NSMCE2: variants seen among roughly 807,000 people sequenced by gnomAD.
NSMCE2 encodes the protein E3 SUMO-protein ligase NSE2.
In NSMCE2, 24 loss-of-function variants were observed where a neutral mutation model predicts 23.8. That is an observed-to-expected ratio of 1.01 (90% CI 0.73 to 1.42). The LOEUF is 1.42. Ranked by LOEUF, NSMCE2 falls within the 40% of genes most tolerant of loss-of-function variation. The pLI, the probability that NSMCE2 is intolerant of heterozygous loss-of-function variation, is 0.00. For synonymous variants in NSMCE2, 92 were observed against 94.1 expected (o/e 0.98, Z 0.13); for missense variants, 284 against 296.5 (o/e 0.96, Z 0.31).
At chr8:125,094,262 A>G (rs903507202) in intron 1 of NSMCE2, among the ~76,000 whole-genome samples, 14 of 152,216 alleles carry the variant, frequency 9.2e-5, no homozygotes, top group African/African-American at 3.4e-4. Flanking sequence ...ATCTTGCAAG[A>G]TAGTCACTAA....
intron 5 of NSMCE2, among the ~76,000 whole-genome samples, chr8:125,291,055 A>T (rs1034435681): frequency 5.3e-5 from 8 of 152,214 alleles, no homozygotes; most frequent in African/African-American, 1.9e-4. Flanking sequence ...TGGTCATGAA[A>T]GCAGGCAGAA....
At chr8:125,201,429 C>T (rs770701678) in intron 5 of NSMCE2, among the ~76,000 whole-genome samples, 14 of 152,186 alleles carry the variant, frequency 9.2e-5, no homozygotes, top group Non-Finnish European at 1.6e-4. Context: ...CAATCAGGTC[C>T]CTCAGCTGCA....
At chr8:125,364,182 G>A (rs1813687750) in intron 7 of NSMCE2, among the ~76,000 whole-genome samples, 1 of 152,152 alleles carries the variant, frequency 6.6e-6, no homozygotes, top group African/African-American at 2.4e-5. Flanking sequence ...GACCTCATGT[G>A]ATCCACCTGC....
chr8:125,219,211 G>A (rs1467194507), intron 5 of NSMCE2, among the ~76,000 whole-genome samples: 2 of 152,178 alleles, frequency 1.3e-5, no homozygotes, highest in Non-Finnish European at 2.9e-5. Context: ...AAAAGCCTGA[G>A]TTGACTTTCG....
intron 5 of NSMCE2, among the ~76,000 whole-genome samples, chr8:125,275,927 C>T (rs1827431873): frequency 6.6e-6 from 1 of 152,112 alleles, no homozygotes; most frequent in Admixed American, 6.5e-5. Context: ...GTCTTTAGCC[C>T]GACCTAAATT....
intron 4 of NSMCE2, among the ~76,000 whole-genome samples, chr8:125,179,922 T>C (rs113033294): frequency 0.019 from 2,948 of 152,284 alleles, 86 homozygotes; most frequent in African/African-American, 0.068. Context: ...TCATCCCAGA[T>C]TACATAATAA....
rs147788750 is a variant in NSMCE2 at position 125,097,855 on chromosome 8, C to T, written c.-110-4196C>T. On this transcript the variant is annotated intron_variant, in intron 1 of 7. Transcript: ENST00000287437. ...ATCTCTGATTTGAAAAGCGTGTTTG[C>T]ATTATATTGTAGAAAGCTTTGGATA... Among the ~76,000 whole-genome samples the T allele has an allele frequency of 4.2e-3, 641 of 152,152 alleles. 3 individuals are homozygous for T. Among genetic ancestry groups the T allele is most frequent in the Non-Finnish European group, 6.8e-3 (464 of 67,992 alleles).
chr8:125,292,774 C>T (rs193169294), intron 5 of NSMCE2, among the ~76,000 whole-genome samples: 1 of 152,270 alleles, frequency 6.6e-6, no homozygotes. Context: ...AAGAGCAAAT[C>T]GATTCTGAAA....
chr8:125,296,200 A>G (rs914660466), intron 5 of NSMCE2, among the ~76,000 whole-genome samples: 1 of 152,146 alleles, frequency 6.6e-6, no homozygotes, highest in African/African-American at 2.4e-5. Context: ...AAACTGAGGT[A>G]AATTTAGTGT....
At position 125,357,306 on chromosome 8, in the gene NSMCE2, G is replaced by GC. The variant is rs1173673502; in HGVS notation, c.510dup (p.Ile171HisfsTer13). 1.9e-6 allele frequency: 3 copies of GC among 1,603,470 alleles called. No individual in the cohort carries two copies. On this transcript the variant is annotated frameshift_variant, in exon 6 of 8. Coordinates refer to ENST00000287437, the MANE Select transcript of NSMCE2 (RefSeq NM_173685.4). LOFTEE classifies it high-confidence loss of function. The stretch of plus-strand genomic sequence containing the variant: ...ACCCAAAGTCAGACCAACTTCACCT[G>GC]CCCCATTACAAAGGTACCGCTTCCT...
In NSMCE2 at chr8:125,269,156, C is replaced by T. The variant is rs116607473; in HGVS notation, c.418+86900C>T. On this transcript the variant is annotated intron_variant, in intron 5 of 7. Coordinates refer to ENST00000287437, the MANE Select transcript of NSMCE2 (RefSeq NM_173685.4). The stretch of plus-strand genomic sequence containing the variant: ...GGCTGGAGTGCAAGTGACACGATCT[C>T]GACTCACTTCAACCTCCTCCTCCTG... 4.4e-3 allele frequency among the ~76,000 whole-genome samples: 667 copies of T among 152,198 alleles called. 3 individuals are homozygous for T. The highest frequency in any genetic ancestry group is 0.015 in the African/African-American group (639 of 41,512).
intron 5 of NSMCE2, among the ~76,000 whole-genome samples, chr8:125,258,713 G>A (rs1826548176): frequency 6.6e-6 from 1 of 152,212 alleles, no homozygotes; most frequent in East Asian, 1.9e-4. Context: ...AGGAGTAAGA[G>A]GATGAGGGTA....
chr8:125,241,724 T>C (rs776129805), intron 5 of NSMCE2, among the ~76,000 whole-genome samples: 45 of 152,244 alleles, frequency 3.0e-4, no homozygotes, highest in Non-Finnish European at 5.0e-4. Context: ...TTAACAAAAG[T>C]ACTCATAGTG....
intron 5 of NSMCE2, among the ~76,000 whole-genome samples, chr8:125,340,429 T>C (rs1365430961): frequency 2.0e-5 from 3 of 148,244 alleles, no homozygotes; most frequent in Non-Finnish European, 4.4e-5. Flanking sequence ...GAATTAGCTC[T>C]GAAAAATATG....
In NSMCE2 at chr8:125,167,771, T is replaced by A. The variant is rs558211253; in HGVS notation, c.265-14332T>A. Among the ~76,000 whole-genome samples the A allele has an allele frequency of 5.8e-4, 89 of 152,314 alleles. 1 individual carries two copies. The highest frequency in any genetic ancestry group is 1.0e-3 in the Non-Finnish European group (68 of 68,022). On this transcript the variant is annotated intron_variant, in intron 4 of 7. Transcript: ENST00000287437. ...TTTTTTTTTCTTGTAAGATTTTTTT[T>A]TTTTATTTTAGGAAACATGTTTTCT...
At chr8:125,259,198 G>C (rs2131041738) in intron 5 of NSMCE2, among the ~76,000 whole-genome samples, 1 of 151,284 alleles carries the variant, frequency 6.6e-6, no homozygotes, top group Non-Finnish European at 1.5e-5. Context: ...CCTACTCACA[G>C]AGCTTTTAAA....
intron 4 of NSMCE2, among the ~76,000 whole-genome samples, chr8:125,164,188 C>T (rs898980797): frequency 6.6e-6 from 1 of 152,178 alleles, no homozygotes; most frequent in South Asian, 2.1e-4. Flanking sequence ...CTTTCAGGTC[C>T]CCAATCCCTT....
At chr8:125,202,298 G>C (rs190185204) in intron 5 of NSMCE2, among the ~76,000 whole-genome samples, 2 of 152,316 alleles carry the variant, frequency 1.3e-5, no homozygotes, top group East Asian at 1.9e-4. Context: ...CTTCTGCGTC[G>C]ATCACGCTGG....
rs538286074 is a variant in NSMCE2 at position 125,352,032 on chromosome 8, T to C, written c.419-5187T>C. 1.2e-3 allele frequency among the ~76,000 whole-genome samples: 179 copies of C among 152,058 alleles called. 1 individual carries two copies. The highest frequency in any genetic ancestry group is 4.0e-3 in the African/African-American group (166 of 41,420). On this transcript the variant is annotated intron_variant, in intron 5 of 7. Coordinates refer to ENST00000287437, the MANE Select transcript of NSMCE2 (RefSeq NM_173685.4). ...CCATTTCAAAAATATATATACATAG[T>C]GGGGCTTAAATTTTCTTGCTACACA... is the stretch of plus-strand genomic sequence containing the variant.
Sources: gnomAD v4.1 joint callset for allele counts (sites outside exome capture counted in the v4.1 genomes callset) on GRCh38, gnomAD v4.1.1 for gene constraint, MANE v1.5 for transcripts, NCBI Gene and HGNC (gene_info 2026-07-23, HGNC 2026-07-21) for gene names.